CNTN4: variants seen among roughly 807,000 people sequenced by gnomAD.
CNTN4 encodes the protein contactin-4.
A neutral mutation model predicts 122.5 loss-of-function variants in CNTN4; 77 were observed. The observed-to-expected ratio is 0.63, with a 90% CI of 0.52 to 0.76. The LOEUF is 0.76. CNTN4 is among the 30% of genes least tolerant of loss of function. The probability of loss-of-function intolerance (pLI) is 0.00; values close to 1 mark genes in which losing one functional copy is unlikely to be tolerated. For missense variants in CNTN4, 1,256 were observed against 1,259.1 expected, an observed-to-expected ratio of 1.00 and a Z score of 0.04; for synonymous variants, 512 against 447.0, an observed-to-expected ratio of 1.15 and a Z score of -1.83.
At chr3:2,505,321 G>A (rs138622379) in intron 3 of CNTN4, among the ~76,000 whole-genome samples, 3 of 152,076 alleles carry the variant, frequency 2.0e-5, no homozygotes, top group East Asian at 3.9e-4. Context: ...TTGGTTCTAG[G>A]TCAAAGGCAT....
At chr3:2,743,490 C>T (rs1299663219) in intron 5 of CNTN4, among the ~76,000 whole-genome samples, 3 of 152,186 alleles carry the variant, frequency 2.0e-5, no homozygotes, top group Admixed American at 6.5e-5. Flanking sequence ...TGCTCCTGGT[C>T]TACCTTTCTT....
chr3:2,995,082 T>G (rs1328949515), intron 14 of CNTN4, among the ~76,000 whole-genome samples: 1 of 152,152 alleles, frequency 6.6e-6, no homozygotes, highest in East Asian at 1.9e-4. Context: ...AAGTGCTAAA[T>G]GCTAATTATG....
At chr3:2,877,074 C>T (rs2093853056) in intron 8 of CNTN4, among the ~76,000 whole-genome samples, 1 of 152,190 alleles carries the variant, frequency 6.6e-6, no homozygotes, top group Admixed American at 6.6e-5. Context: ...AGGAAAAATA[C>T]TTAAGAACTG....
Position 2,596,400 on chromosome 3 carries a change from G to A in CNTN4, c.55+24842G>A, listed in dbSNP as rs143169835. Among the ~76,000 whole-genome samples, 24 of 152,094 alleles carry A rather than the reference G, an allele frequency of 1.6e-4. No homozygotes were observed. In the East Asian group the frequency reaches 4.1e-3, roughly 26 times the overall value. On this transcript the variant is annotated intron_variant, in intron 4 of 24. Coordinates refer to ENST00000418658, the MANE Select transcript of CNTN4 (RefSeq NM_175607.3). ...ACATCGGTTGTCCTCCAAATTCTTT[G>A]TGTTTTCATTTAGATAAAGATGATA...
chr3:2,118,166 CT>C (rs2033494508), intron 2 of CNTN4, among the ~76,000 whole-genome samples: 1 of 152,154 alleles, frequency 6.6e-6, no homozygotes, highest in South Asian at 2.1e-4. Flanking sequence ...GAGCTAGATG[CT>C]GTGATGACCC....
At chr3:2,577,428 G>A (rs1325550215) in intron 4 of CNTN4, among the ~76,000 whole-genome samples, 1 of 152,104 alleles carries the variant, frequency 6.6e-6, no homozygotes, top group Non-Finnish European at 1.5e-5. Context: ...TATTATCTGG[G>A]TCCTGCAATT....
chr3:2,406,466 A>T (rs1045841438), intron 3 of CNTN4, among the ~76,000 whole-genome samples: 1 of 152,224 alleles, frequency 6.6e-6, no homozygotes, highest in Admixed American at 6.5e-5. Context: ...TGTTAGTGAA[A>T]CCATTGGTAA....
intron 6 of CNTN4, among the ~76,000 whole-genome samples, chr3:2,808,614 A>G (rs1467003186): frequency 6.6e-6 from 1 of 152,138 alleles, no homozygotes; most frequent in Non-Finnish European, 1.5e-5. Context: ...TGCAATTTGC[A>G]AGGAGTTGTT....
intron 7 of CNTN4, chr3:2,866,411 G>A: frequency 9.0e-7 from 1 of 1,106,002 alleles, no homozygotes; most frequent in Non-Finnish European, 1.1e-6. Flanking sequence ...AGGCACCCTG[G>A]GTCTGTAATT....
In CNTN4 at chr3:2,822,932, C is replaced by CT. The variant is rs1559544347; in HGVS notation, c.454+3351_454+3352insT. Among the ~76,000 whole-genome samples the CT allele has an allele frequency of 1.7e-3, 259 of 152,224 alleles. 1 individual carries two copies. Among genetic ancestry groups the CT allele is most frequent in the African/African-American group, 5.9e-3 (246 of 41,514 alleles). On this transcript the variant is annotated intron_variant, in intron 7 of 24. Transcript: ENST00000418658. ...TTATTATAAGCTCTATTAGAAATGG[C>CT]GTGCACATTAACGCTGTGGGCAAAG... is the stretch of plus-strand genomic sequence containing the variant.
At chr3:2,805,898 T>C (rs2150099295) in intron 6 of CNTN4, among the ~76,000 whole-genome samples, 1 of 152,156 alleles carries the variant, frequency 6.6e-6, no homozygotes, top group East Asian at 1.9e-4. Context: ...TTGTTTTGTT[T>C]TGTTTTTGTT....
At chr3:2,761,444 G>T (rs2090587741) in intron 6 of CNTN4, among the ~76,000 whole-genome samples, 1 of 51,986 alleles carries the variant, frequency 1.9e-5, no homozygotes, top group African/African-American at 4.1e-5. Context: ...TAACCTGTGT[G>T]TGTGTGTGTG....
intron 7 of CNTN4, 68 bp from the exon 8 acceptor site, chr3:2,866,684 C>G: frequency 6.9e-7 from 1 of 1,442,522 alleles, no homozygotes; most frequent in Non-Finnish European, 9.7e-7. Flanking sequence ...CTGATCATTT[C>G]TTTCATGAAA....
At position 2,211,764 on chromosome 3, in the gene CNTN4, C is replaced by T. The variant is rs1273095626; in HGVS notation, c.-145+111125C>T. Reference sequence around the variant, plus strand: ...GCCAGCCGTGACGTGACTCATGAGTCACCAACCCATTTAGTCAGTCAAATT... The same window carrying T: ...GCCAGCCGTGACGTGACTCATGAGTTACCAACCCATTTAGTCAGTCAAATT... On this transcript the variant is annotated intron_variant, in intron 2 of 24. Transcript: ENST00000418658. Among the ~76,000 whole-genome samples, 5 of 152,074 alleles carry T rather than the reference C, an allele frequency of 3.3e-5. 1 individual carries two copies. Among genetic ancestry groups the T allele is most frequent in the Non-Finnish European group, 7.4e-5 (5 of 68,012 alleles).
chr3:2,220,583 C>G (rs2039023487), intron 2 of CNTN4, among the ~76,000 whole-genome samples: 1 of 152,056 alleles, frequency 6.6e-6, no homozygotes, highest in Admixed American at 6.6e-5. Flanking sequence ...TACCTCCTTT[C>G]AGTTCTGTTT....
intron 3 of CNTN4, among the ~76,000 whole-genome samples, chr3:2,549,228 C>T (rs1198385929): frequency 1.3e-5 from 2 of 152,174 alleles, no homozygotes; most frequent in African/African-American, 2.4e-5. Context: ...CCAGAACTTC[C>T]AATACCATGT....
chr3:2,795,165 T>C (rs1370346366), intron 6 of CNTN4, among the ~76,000 whole-genome samples: 1 of 152,194 alleles, frequency 6.6e-6, no homozygotes, highest in African/African-American at 2.4e-5. Flanking sequence ...ACTGGAATAT[T>C]TAAATGATTA....
intron 3 of CNTN4, among the ~76,000 whole-genome samples, chr3:2,415,356 C>A (rs1031648931): frequency 6.6e-6 from 1 of 152,148 alleles, no homozygotes; most frequent in Non-Finnish European, 1.5e-5. Flanking sequence ...TGTAAGAGAA[C>A]CATAATAGCT....
At chr3:2,770,428 G>C (rs2091045955) in intron 6 of CNTN4, among the ~76,000 whole-genome samples, 1 of 152,200 alleles carries the variant, frequency 6.6e-6, no homozygotes, top group South Asian at 2.1e-4. Flanking sequence ...AACCTTCCCT[G>C]GTGGGGGAGG....
Sources: gnomAD v4.1 joint callset for allele counts (sites outside exome capture counted in the v4.1 genomes callset) on GRCh38, gnomAD v4.1.1 for gene constraint, MANE v1.5 for transcripts, NCBI Gene and HGNC (gene_info 2026-07-23, HGNC 2026-07-21) for gene names.